The following KIF19 variants were observed in gnomAD, a reference collection of about 807,000 sequenced individuals.
The protein encoded by KIF19 is kinesin family member 19, also known as kinesin-like protein KIF19.
KIF19 carries 98 observed loss-of-function variants against 106.6 expected under a neutral mutation model. The ratio of observed to expected loss-of-function variants is 0.92; its 90% CI spans 0.78 to 1.09. KIF19 has a LOEUF of 1.09. Among genes scored for constraint, KIF19 ranks in the 50% least tolerant of loss-of-function variants. KIF19 has a pLI of 0.00. For missense variants in KIF19, 1,373 were observed against 1,414.3 expected, an observed-to-expected ratio of 0.97 and a Z score of 0.47; for synonymous variants, 516 against 584.2, an observed-to-expected ratio of 0.88 and a Z score of 1.68.
chr17:74,347,534 C>A (rs1237080153), intron 8 of KIF19, among the ~76,000 whole-genome samples: 4 of 126,650 alleles, frequency 3.2e-5, no homozygotes, highest in Non-Finnish European at 6.5e-5. Context: ...GAGACCCTGT[C>A]TCAAAAAAAA....
chr17:74,328,758 A>G (rs561573438), intron 2 of KIF19: 6 of 389,974 alleles, frequency 1.5e-5, no homozygotes, highest in South Asian at 9.6e-5. Flanking sequence ...TACCTTTCAC[A>G]TGCTCATTGC....
Position 74,352,222 on chromosome 17 carries a change from A to G in KIF19, c.1862A>G (p.Tyr621Cys), listed in dbSNP as rs776141767. 5 of 1,611,798 alleles carry G rather than the reference A, an allele frequency of 3.1e-6. No homozygotes were observed. The highest frequency in any genetic ancestry group is 3.4e-6 in the Non-Finnish European group (4 of 1,179,120). Residue 621 changes from tyrosine to cysteine, a missense_variant, in exon 14 of 20, where the codon TAC becomes TGC. By Grantham distance (194) the Tyr-to-Cys change is radical. This residue lies in a region of KIF19 where 1,020 missense variants were observed against 1,008.2 expected (regional missense o/e 1.01). Transcript: ENST00000389916. ...IQGQRQIIDD[Y>C]NLAVPQRLEE... is the part of the protein sequence containing the mutation. ...AGCCCTGCCCCTTCCCCAGCAGACT[A>G]CAACCTGGCCGTCCCGCAGCGCCTG...
At chr17:74,351,601 G>T (rs2054703247) in intron 12 of KIF19, among the ~76,000 whole-genome samples, 1 of 152,212 alleles carries the variant, frequency 6.6e-6, no homozygotes, top group African/African-American at 2.4e-5. Flanking sequence ...AGCCCTGAGG[G>T]GGTCACATGG....
At chr17:74,352,800 C>T (rs746351718) in intron 14 of KIF19, 21 bp from the exon 15 acceptor site, 3 of 1,613,814 alleles carry the variant, frequency 1.9e-6, no homozygotes, top group South Asian at 1.1e-5. Flanking sequence ...TAACTGTCCA[C>T]CCTGGCTCCC....
chr17:74,350,000 T>C (rs1598395331), intron 10 of KIF19, among the ~76,000 whole-genome samples: 1 of 152,154 alleles, frequency 6.6e-6, no homozygotes, highest in Admixed American at 6.5e-5. Flanking sequence ...GGTTTCACCA[T>C]GTTGGCCAGG....
At position 74,351,895 on chromosome 17, in the gene KIF19, T is replaced by TGCGC; in HGVS notation, c.1622_1625dup (p.Gly543AlafsTer138). On this transcript the variant is annotated frameshift_variant, in exon 13 of 20. Coordinates refer to ENST00000389916, the MANE Select transcript of KIF19 (RefSeq NM_153209.4). LOFTEE classifies it high-confidence loss of function. ...GCGCTGGAGCAGCGCTGCCGGGAGC[T>TGCGC]GCGCGCGCGGGGCCGGCGCCTGGAG... The TGCGC allele has an allele frequency of 7.1e-7, 1 of 1,411,788 alleles. No homozygotes were observed. The highest frequency in any genetic ancestry group is 1.5e-5 in the African/African-American group (1 of 66,118). 87.5% of individuals were successfully genotyped at this position (1,411,788 alleles called of 1,614,324 possible). A position where few individuals can be genotyped will look rare whatever the true frequency, so the allele number is the denominator to read the frequency against.
In KIF19 at chr17:74,350,854, G is replaced by A. The variant is rs1567918987; in HGVS notation, c.1536G>A (p.Arg512=). 5.0e-6 allele frequency: 8 copies of A among 1,614,032 alleles called. No individual in the cohort carries two copies. The highest frequency in any genetic ancestry group is 1.3e-5 in the African/African-American group (1 of 75,064). ...ILEPPEVAAA[R]ESIAALVDEQ... Reference sequence around the variant, plus strand: ...AGCCACCCGAGGTGGCCGCAGCCCGGGAGAGCATTGCAGCCCTGGTGGACG... The same window carrying A: ...AGCCACCCGAGGTGGCCGCAGCCCGAGAGAGCATTGCAGCCCTGGTGGACG... Residue 512 remains arginine, a synonymous_variant, in exon 12 of 20, where the codon CGG becomes CGA. Coordinates refer to ENST00000389916, the MANE Select transcript of KIF19 (RefSeq NM_153209.4).
At position 74,350,523 on chromosome 17, in the gene KIF19, C is replaced by A; in HGVS notation, c.1336C>A (p.Arg446Ser). The change falls in exon 11 of 20, where the codon CGC (arginine) becomes AGC (serine). Residue 446 changes from arginine to serine, a missense_variant. This residue lies in a region of KIF19 where 1,020 missense variants were observed against 1,008.2 expected (regional missense o/e 1.01). Coordinates refer to ENST00000389916, the MANE Select transcript of KIF19 (RefSeq NM_153209.4). ...GAGGCGCCTGCTGGAGCTGGAGAAC[C>A]GCGCCATGGAGGTCCAGATTGACAC... ...VRRRLLELEN[R>S]AMEVQIDTSR... 6.2e-7 allele frequency: 1 copy of A among 1,612,864 alleles called. No individual in the cohort carries two copies. Among genetic ancestry groups the A allele is most frequent in the South Asian group, 1.1e-5 (1 of 91,030 alleles).
Position 74,350,792 on chromosome 17 carries a change from G to A in KIF19, c.1474G>A (p.Asp492Asn), listed in dbSNP as rs1347177852. The change falls in exon 12 of 20, where the codon GAC becomes AAC. Residue 492 changes from aspartate to asparagine, a missense_variant. Asp to Asn is a conservative substitution (Grantham distance 23). Around this residue, in one of 3 missense-constraint regions of KIF19, gnomAD observed 1,020 missense variants for 1,008.2 expected, o/e 1.01. Transcript: ENST00000389916. Reference protein sequence around the residue: ...ECYAKDDSEKDSDTGDDQPDI... With the variant: ...ECYAKDDSEKNSDTGDDQPDI... ...CTACGCTAAGGACGACAGCGAGAAG[G>A]ACTCAGACACAGGTGATGACCAACC... The A allele has an allele frequency of 1.9e-6, 3 of 1,614,042 alleles. No individual in the cohort carries two copies. Among genetic ancestry groups the A allele is most frequent in the Middle Eastern group, 3.3e-4 (2 of 6,062 alleles).
At chr17:74,351,385 C>T in intron 12 of KIF19, 1 of 164,462 alleles carries the variant, frequency 6.1e-6, no homozygotes, top group African/African-American at 2.4e-5. Flanking sequence ...CCCAGCTACT[C>T]GGATGGCAGA....
At chr17:74,353,734 G>T (rs1252158863) in intron 17 of KIF19, among the ~76,000 whole-genome samples, 153 bp downstream of exon 17, 1 of 152,218 alleles carries the variant, frequency 6.6e-6, no homozygotes, top group Non-Finnish European at 1.5e-5. Context: ...TGCCCCTGAG[G>T]ATTAGTCAGT....
chr17:74,339,234 G>T (rs897406278), intron 2 of KIF19, among the ~76,000 whole-genome samples: 37 of 151,914 alleles, frequency 2.4e-4, no homozygotes, highest in Admixed American at 1.9e-3. Context: ...GTGTGTGCGT[G>T]AGAGGCAGTT....
At chr17:74,330,201 T>G (rs1416380323) in intron 2 of KIF19, among the ~76,000 whole-genome samples, 1 of 152,228 alleles carries the variant, frequency 6.6e-6, no homozygotes, top group Non-Finnish European at 1.5e-5. Flanking sequence ...TGGAGCAGAA[T>G]GAATGCACAT....
chr17:74,340,063 G>A (rs764606650), intron 2 of KIF19, among the ~76,000 whole-genome samples: 2 of 152,164 alleles, frequency 1.3e-5, no homozygotes, highest in Non-Finnish European at 2.9e-5. Context: ...CACATTACAC[G>A]TTGTTCCAGG....
rs1048003595 is a variant in KIF19 at position 74,331,131 on chromosome 17, G to A, written c.120+2626G>A. On this transcript the variant is annotated intron_variant, in intron 2 of 19. Transcript: ENST00000389916. This position sits in a 1 kb window ranked among gnomAD's most constrained non-coding sequence, Gnocchi z 4.1. ...TGGACCCCCCCTTACCCTTGTCCCCGACCTGACCAGTTCCCCCACCTCCTG... is the reference window on the plus strand; with the variant it reads ...TGGACCCCCCCTTACCCTTGTCCCCAACCTGACCAGTTCCCCCACCTCCTG... Among the ~76,000 whole-genome samples, 8 of 151,716 alleles carry A rather than the reference G, an allele frequency of 5.3e-5. No individual in the cohort carries two copies. The highest frequency in any genetic ancestry group is 1.9e-4 in the East Asian group (1 of 5,156).
At chr17:74,354,007 C>G (rs927938238) in intron 17 of KIF19, among the ~76,000 whole-genome samples, 155 bp from the exon 18 acceptor site, 3 of 152,216 alleles carry the variant, frequency 2.0e-5, no homozygotes, top group Non-Finnish European at 4.4e-5. Flanking sequence ...AAGTGAGGCT[C>G]GGAAATGGGC....
chr17:74,333,257 C>T (rs939174599), intron 2 of KIF19, among the ~76,000 whole-genome samples: 1 of 152,190 alleles, frequency 6.6e-6, no homozygotes, highest in Admixed American at 6.5e-5. Flanking sequence ...CTGCCTGTGT[C>T]CCCAGCCCCT....
chr17:74,354,595 C>A lies in KIF19; in HGVS notation c.2706+36C>A, dbSNP rs189979359. On this transcript the variant is annotated intron_variant, in intron 18 of 19. Transcript: ENST00000389916. ...GCGCAGGGGTGGGTGTCTAGGCACT[C>A]CCATAGCAGCTGGAGGCCTGAGGGC... 10,159 of 1,564,004 alleles carry A rather than the reference C, an allele frequency of 6.5e-3. 40 individuals carry two copies. Among genetic ancestry groups the A allele is most frequent in the Non-Finnish European group, 8.0e-3 (9,221 of 1,157,052 alleles).
chr17:74,344,260 C>T lies in KIF19; in HGVS notation c.494C>T (p.Ser165Phe). The T allele has an allele frequency of 1.9e-6, 3 of 1,613,124 alleles. No homozygotes were observed. The highest frequency in any genetic ancestry group is 2.2e-5 in the East Asian group (1 of 44,868). ...NEMIRDLLNPSLGYLELREDS... is the reference protein window; with the variant it reads ...NEMIRDLLNPFLGYLELREDS... ...ATGATCCGGGACCTGCTGAACCCCT[C>T]CCTGGGCTACCTGGAGCTGCGGGAG... The change falls in exon 6 of 20, where the codon TCC (serine) becomes TTC (phenylalanine). Residue 165 changes from serine to phenylalanine, a missense_variant. Physicochemically the swap from Ser to Phe is radical, Grantham distance 155. Transcript: ENST00000389916.
Sources: allele counts gnomAD v4.1 joint callset (sites outside exome capture counted in the v4.1 genomes callset), GRCh38; gene constraint gnomAD v4.1.1; regional missense constraint gnomAD v4.1.1; non-coding constraint Gnocchi (gnomAD v3.1); transcripts MANE v1.5; gene names NCBI Gene and HGNC (gene_info 2026-07-23, HGNC 2026-07-21).